EXOC4: variants seen among roughly 807,000 people sequenced by gnomAD.
The protein encoded by EXOC4 is exocyst complex component 4, also known as SEC8-like 1.
A neutral mutation model predicts 107.2 loss-of-function variants in EXOC4; 71 were observed. The observed-to-expected ratio is 0.66, with a 90% CI of 0.55 to 0.81. The LOEUF is 0.81. EXOC4 is among the 30% of genes least tolerant of loss of function. The pLI, the probability that EXOC4 is intolerant of heterozygous loss-of-function variation, is 0.00. For missense variants in EXOC4, 1,108 were observed against 1,189.6 expected (o/e 0.93, Z 1.01); for synonymous variants, 456 against 441.2 (o/e 1.03, Z -0.42).
intron 13 of EXOC4, among the ~76,000 whole-genome samples, chr7:133,920,699 T>C (rs1799918710): frequency 6.6e-6 from 1 of 152,222 alleles, no homozygotes; most frequent in African/African-American, 2.4e-5. Context: ...TTGGATCAAG[T>C]AAGAATTAGA....
intron 5 of EXOC4, 98 bp from the exon 6 acceptor site, chr7:133,356,232 G>A: frequency 8.3e-7 from 1 of 1,199,072 alleles, no homozygotes; most frequent in South Asian, 1.5e-5. Context: ...AATTCTTTAA[G>A]AGAGTAATCA....
At chr7:133,553,262 G>C (rs754364929) in intron 9 of EXOC4, among the ~76,000 whole-genome samples, 2 of 152,118 alleles carry the variant, frequency 1.3e-5, no homozygotes, top group African/African-American at 4.8e-5. Context: ...ATTTTATTCT[G>C]ACTGCCCCAA....
At chr7:133,951,140 G>C (rs758923165) in intron 14 of EXOC4, among the ~76,000 whole-genome samples, 1 of 152,158 alleles carries the variant, frequency 6.6e-6, no homozygotes, top group African/African-American at 2.4e-5. Context: ...AATGAGGAGG[G>C]GTGCTTTTCT....
chr7:134,090,104 G>A, the EXOC4 span, among the ~76,000 whole-genome samples: 4 of 152,112 alleles, frequency 2.6e-5, no homozygotes, highest in African/African-American at 9.7e-5. Flanking sequence ...TTCTGACAAC[G>A]TATTTGATTT....
At chr7:133,770,976 A>C (rs1231457191) in intron 10 of EXOC4, among the ~76,000 whole-genome samples, 1 of 151,958 alleles carries the variant, frequency 6.6e-6, no homozygotes, top group East Asian at 1.9e-4. Flanking sequence ...TTGTGGCCAT[A>C]CATGAATGGA....
intron 10 of EXOC4, among the ~76,000 whole-genome samples, chr7:133,788,836 C>T (rs960010617): frequency 2.0e-5 from 3 of 152,048 alleles, no homozygotes; most frequent in African/African-American, 4.8e-5. Flanking sequence ...AGGCCCTCAA[C>T]AAACCTTGTG....
intron 6 of EXOC4, among the ~76,000 whole-genome samples, chr7:133,374,194 G>A (rs1796436689): frequency 6.6e-6 from 1 of 152,168 alleles, no homozygotes; most frequent in Non-Finnish European, 1.5e-5. Context: ...TTGTGTCCTT[G>A]AGTATATAAA....
At chr7:133,735,046 TAAAAAA>T (rs3076789) in intron 10 of EXOC4, among the ~76,000 whole-genome samples, 1 of 94,738 alleles carries the variant, frequency 1.1e-5, no homozygotes, top group Non-Finnish European at 2.0e-5. Context: ...CCGTCTCTGC[TAAAAAA>T]AAAAAAAAAA....
Position 133,254,371 on chromosome 7 carries a change from T to C in EXOC4, c.86+1184T>C, listed in dbSNP as rs572384326. On this transcript the variant is annotated intron_variant, in intron 1 of 17. Coordinates refer to ENST00000253861, the MANE Select transcript of EXOC4 (RefSeq NM_021807.4). ...GCCATACAGAGGAAGTGCTGTTGTA[T>C]TGTGAATCTATAGGCCCACATTCTC... Among the ~76,000 whole-genome samples, 12 of 152,334 alleles carry C rather than the reference T, an allele frequency of 7.9e-5. No homozygotes were observed. In the East Asian group the frequency reaches 2.3e-3, roughly 29 times the overall value.
chr7:133,342,141 A>G (rs1795676886), intron 5 of EXOC4, among the ~76,000 whole-genome samples: 1 of 151,838 alleles, frequency 6.6e-6, no homozygotes, highest in Non-Finnish European at 1.5e-5. Context: ...GCCCTGTGAA[A>G]TTTATGATTT....
intron 7 of EXOC4, among the ~76,000 whole-genome samples, chr7:133,415,668 G>A (rs553399752): frequency 1.3e-5 from 2 of 152,202 alleles, no homozygotes; most frequent in South Asian, 2.1e-4. Flanking sequence ...AGCTATATTT[G>A]TGTCATTTTA....
intron 5 of EXOC4, among the ~76,000 whole-genome samples, chr7:133,341,534 A>G (rs957331717): frequency 2.6e-5 from 4 of 152,178 alleles, no homozygotes; most frequent in African/African-American, 9.6e-5. Flanking sequence ...GAGAACATAA[A>G]TATCTGTTAT....
At chr7:133,388,865 A>G (rs1268124588) in intron 7 of EXOC4, among the ~76,000 whole-genome samples, 1 of 152,044 alleles carries the variant, frequency 6.6e-6, no homozygotes, top group Non-Finnish European at 1.5e-5. Flanking sequence ...TATCCCTTGA[A>G]ATTTATTTAT....
At chr7:133,396,927 T>C (rs888396434) in intron 7 of EXOC4, among the ~76,000 whole-genome samples, 8 of 152,202 alleles carry the variant, frequency 5.3e-5, no homozygotes, top group African/African-American at 1.9e-4. Flanking sequence ...TGCTTTTACC[T>C]GCATTATATT....
intron 9 of EXOC4, among the ~76,000 whole-genome samples, chr7:133,613,652 G>A (rs1013897227): frequency 1.3e-5 from 2 of 152,030 alleles, no homozygotes; most frequent in Admixed American, 6.6e-5. Context: ...ATACATTGAG[G>A]TCTGCAGCTG....
intron 10 of EXOC4, among the ~76,000 whole-genome samples, chr7:133,815,902 G>A (rs999860871): frequency 6.6e-6 from 1 of 152,144 alleles, no homozygotes; most frequent in East Asian, 1.9e-4. Context: ...ATCACTTTGC[G>A]GTACTTTTAT....
At position 133,535,954 on chromosome 7, in the gene EXOC4, A is replaced by G. The variant is rs61285791; in HGVS notation, c.1417+55816A>G. 4.6e-5 allele frequency among the ~76,000 whole-genome samples: 7 copies of G among 152,292 alleles called. No homozygotes were observed. The South Asian group carries it at 1.4e-3, about 32-fold the overall frequency. On this transcript the variant is annotated intron_variant, in intron 9 of 17. Coordinates refer to ENST00000253861, the MANE Select transcript of EXOC4 (RefSeq NM_021807.4). ...AACACATTTGTTTCTTTTGTCTTTT[A>G]TGACAGTCTGAGTTTTAAAACTTTG... is the stretch of plus-strand genomic sequence containing the variant.
intron 10 of EXOC4, among the ~76,000 whole-genome samples, chr7:133,758,371 G>A (rs916157205): frequency 6.6e-6 from 1 of 152,052 alleles, no homozygotes; most frequent in African/African-American, 2.4e-5. Flanking sequence ...ATTCCAGACC[G>A]CAAGTGATTC....
chr7:133,862,909 ATAGTT>A (rs2116349976), intron 11 of EXOC4, among the ~76,000 whole-genome samples: 1 of 152,322 alleles, frequency 6.6e-6, no homozygotes, highest in East Asian at 1.9e-4. Context: ...CATCTAAAGT[ATAGTT>A]ATCAGTGTGA....
Sources: allele counts gnomAD v4.1 joint callset (sites outside exome capture counted in the v4.1 genomes callset), GRCh38; gene constraint gnomAD v4.1.1; transcripts MANE v1.5; gene names NCBI Gene and HGNC (gene_info 2026-07-23, HGNC 2026-07-21).